Variants in TTC4 observed in about 807,000 individuals in gnomAD.
TTC4 encodes the protein hsp70/Hsp90 co-chaperone CNS1 homolog.
A neutral mutation model predicts 51.9 loss-of-function variants in TTC4; 36 were observed. The observed-to-expected ratio is 0.69, with a 90% CI of 0.53 to 0.92. The LOEUF (loss-of-function observed/expected upper bound fraction) is 0.92, where lower values mean the gene tolerates loss of function less well. Ranked by LOEUF, TTC4 falls within the 40% of genes least tolerant of loss-of-function variation. TTC4 has a pLI of 0.00. For missense variants in TTC4, 399 were observed against 454.6 expected, an observed-to-expected ratio of 0.88 and a Z score of 1.11; for synonymous variants, 144 against 164.2, an observed-to-expected ratio of 0.88 and a Z score of 0.94.
intron 8 of TTC4, among the ~76,000 whole-genome samples, chr1:54,736,161 GAGAA>G (rs796562183): frequency 7.3e-6 from 1 of 136,324 alleles, no homozygotes; most frequent in African/African-American, 3.1e-5. Flanking sequence ...GAGAAAGAGA[GAGAA>G]AGAAAGAAAG....
chr1:54,740,215 G>A (rs961642611), intron 9 of TTC4, among the ~76,000 whole-genome samples: 7 of 152,302 alleles, frequency 4.6e-5, no homozygotes, highest in African/African-American at 1.7e-4. Context: ...AAGATTTGAA[G>A]TGTACTGTTC....
intron 5 of TTC4, among the ~76,000 whole-genome samples, chr1:54,726,421 C>T (rs1645800349): frequency 6.6e-6 from 1 of 152,144 alleles, no homozygotes; most frequent in African/African-American, 2.4e-5. Flanking sequence ...ATGCAGACAA[C>T]TTGACCGTGT....
intron 6 of TTC4, among the ~76,000 whole-genome samples, chr1:54,728,893 G>T (rs1645832006): frequency 6.6e-6 from 1 of 152,144 alleles, no homozygotes; most frequent in African/African-American, 2.4e-5. Flanking sequence ...TTCCTTCTTT[G>T]TAATTTCACA....
At chr1:54,720,616 A>G (rs528862977) in intron 3 of TTC4, among the ~76,000 whole-genome samples, 8 of 151,972 alleles carry the variant, frequency 5.3e-5, no homozygotes, top group Admixed American at 4.6e-4. Flanking sequence ...TAATGGCTGC[A>G]TAGTATTCAA....
At chr1:54,736,416 C>G (rs1372028039) in intron 8 of TTC4, among the ~76,000 whole-genome samples, 1 of 149,542 alleles carries the variant, frequency 6.7e-6, no homozygotes, top group Non-Finnish European at 1.5e-5. Context: ...GTTGCCCAGG[C>G]TGGAGTGCGG....
In TTC4 at chr1:54,741,646, G is replaced by A. The variant is rs1397078740; in HGVS notation, c.*133G>A. The stretch of plus-strand genomic sequence containing the variant: ...CCTGGGGATAGTCCTTCCTGGCATC[G>A]TGGTGGGGGAGGAGCCTCTGGCTTC... On this transcript the variant is annotated 3_prime_UTR_variant, in exon 10 of 10. Coordinates refer to ENST00000371281, the MANE Select transcript of TTC4 (RefSeq NM_004623.5). The A allele has an allele frequency of 2.3e-5, 17 of 743,268 alleles. No individual in the cohort carries two copies. Among genetic ancestry groups the A allele is most frequent in the East Asian group, 1.6e-4 (6 of 38,440 alleles). The allele number at this position is 743,268 out of a possible 1,614,324, so 46.0% of individuals were successfully genotyped here.
intron 5 of TTC4, among the ~76,000 whole-genome samples, chr1:54,728,093 C>A (rs1171219666): frequency 1.3e-5 from 2 of 152,150 alleles, no homozygotes; most frequent in African/African-American, 4.8e-5. Flanking sequence ...CTTGTCTGTA[C>A]CCCTCAACCC....
chr1:54,731,093 GT>G (rs1274055760), intron 6 of TTC4, among the ~76,000 whole-genome samples: 1 of 152,166 alleles, frequency 6.6e-6, no homozygotes, highest in Non-Finnish European at 1.5e-5. Context: ...GTGACACAGG[GT>G]CCAGCACAAG....
intron 5 of TTC4, among the ~76,000 whole-genome samples, chr1:54,727,408 GA>G (rs1360626026): frequency 5.3e-5 from 8 of 152,144 alleles, no homozygotes; most frequent in African/African-American, 1.9e-4. Flanking sequence ...ACTCTTAAAA[GA>G]AAACATAGAT....
intron 5 of TTC4, among the ~76,000 whole-genome samples, chr1:54,727,108 A>G (rs1645809638): frequency 6.6e-6 from 1 of 152,132 alleles, no homozygotes; most frequent in Admixed American, 6.5e-5. Flanking sequence ...ATTTCAAAAC[A>G]TACGACAGAG....
chr1:54,736,175 G>GA (rs1645930940), intron 8 of TTC4, among the ~76,000 whole-genome samples: 3 of 100,722 alleles, frequency 3.0e-5, no homozygotes, highest in African/African-American at 1.3e-4. Flanking sequence ...AAGAAAGAAA[G>GA]GAGAGAGAGA....
At chr1:54,728,191 TG>T (rs1645824470) in intron 5 of TTC4, among the ~76,000 whole-genome samples, 154 bp from the exon 6 acceptor site, 3 of 152,202 alleles carry the variant, frequency 2.0e-5, no homozygotes, top group African/African-American at 7.2e-5. Context: ...GCATGTACTT[TG>T]TAAATGTTTA....
chr1:54,737,708 G>C, intron 9 of TTC4, 44 bp downstream of exon 9: 1 of 1,577,702 alleles, frequency 6.3e-7, no homozygotes, highest in Non-Finnish European at 8.7e-7. Flanking sequence ...AAGATGCTCA[G>C]TGTATTAGTC....
intron 3 of TTC4, 54 bp downstream of exon 3, chr1:54,717,707 G>A (rs1645693215): frequency 7.1e-7 from 1 of 1,410,778 alleles, no homozygotes; most frequent in African/African-American, 1.5e-5. Context: ...CCATTATGAT[G>A]GTTAGTGGAG....
intron 8 of TTC4, among the ~76,000 whole-genome samples, chr1:54,734,767 TAAAG>T (rs896892616): frequency 2.0e-5 from 3 of 152,216 alleles, no homozygotes; most frequent in African/African-American, 4.8e-5. Context: ...ATATCCAGTA[TAAAG>T]AATTACCTTT....
chr1:54,736,442 T>C (rs6681626), intron 8 of TTC4, among the ~76,000 whole-genome samples: 37,367 of 151,718 alleles, frequency 0.25, 4,835 homozygotes, highest in South Asian at 0.32. Context: ...AGATCTTGGC[T>C]CACTGCCAAG....
At chr1:54,717,288 T>TA (rs2101288848) in intron 2 of TTC4, among the ~76,000 whole-genome samples, 2 of 152,346 alleles carry the variant, frequency 1.3e-5, no homozygotes, top group South Asian at 4.1e-4. Context: ...GTAATCTACC[T>TA]TGTAAGATAT....
At chr1:54,733,740 G>T (rs1315137999) in intron 8 of TTC4, 30 bp downstream of exon 8, 3 of 1,197,902 alleles carry the variant, frequency 2.5e-6, no homozygotes, top group Non-Finnish European at 1.2e-6. Context: ...GTTCCTCTAT[G>T]GAATTAATTT....
intron 8 of TTC4, among the ~76,000 whole-genome samples, chr1:54,734,497 A>G (rs1035806270): frequency 5.9e-5 from 9 of 151,860 alleles, no homozygotes; most frequent in African/African-American, 1.9e-4. Context: ...AGTGATTTTC[A>G]TGCCTCCGGT....
Sources: gnomAD v4.1 joint callset for allele counts (sites outside exome capture counted in the v4.1 genomes callset) on GRCh38, gnomAD v4.1.1 for gene constraint, MANE v1.5 for transcripts, NCBI Gene and HGNC (gene_info 2026-07-23, HGNC 2026-07-21) for gene names.